Variants in RNF220 observed in about 807,000 individuals in gnomAD.
RNF220 encodes E3 ubiquitin-protein ligase RNF220.
RNF220 carries 7 observed loss-of-function variants against 67.1 expected under a neutral mutation model. That is an observed-to-expected ratio of 0.10 (90% CI 0.06 to 0.20). RNF220 has a LOEUF of 0.20. Ranked by LOEUF, RNF220 falls within the 10% of genes least tolerant of loss-of-function variation. The pLI is 1.00. For missense variants in RNF220, 565 were observed against 740.3 expected (o/e 0.76, Z 2.75); for synonymous variants, 270 against 283.2 (o/e 0.95, Z 0.47).
In RNF220 at chr1:44,600,954, A is replaced by C. The variant is rs1294157538; in HGVS notation, c.626-13211A>C. 2.0e-5 allele frequency among the ~76,000 whole-genome samples: 3 copies of C among 152,202 alleles called. No homozygotes were observed. Among genetic ancestry groups the C allele is most frequent in the Non-Finnish European group, 4.4e-5 (3 of 68,036 alleles). The stretch of plus-strand genomic sequence containing the variant: ...TTGTGTCTCTAGGTTTCTCTGAACA[A>C]GGCAAATATCTATATTACAGGCTCC... On this transcript the variant is annotated intron_variant, in intron 2 of 14. Coordinates refer to ENST00000361799, the MANE Select transcript of RNF220 (RefSeq NM_018150.4). The surrounding 1 kb of genome is among the most constrained non-coding windows in gnomAD (Gnocchi z 4.0).
At chr1:44,522,534 G>A (rs1660021013) in intron 2 of RNF220, among the ~76,000 whole-genome samples, 1 of 152,184 alleles carries the variant, frequency 6.6e-6, no homozygotes, top group African/African-American at 2.4e-5. Context: ...TTGAAGAAAA[G>A]AGAGACCTTA....
At chr1:44,527,552 G>C (rs1660472336) in intron 2 of RNF220, among the ~76,000 whole-genome samples, 1 of 152,036 alleles carries the variant, frequency 6.6e-6, no homozygotes, top group Admixed American at 6.6e-5. Flanking sequence ...AAGTCCAGGA[G>C]TTCAAGACCA....
chr1:44,604,497 G>T (rs1399964908), intron 2 of RNF220, among the ~76,000 whole-genome samples: 1 of 152,244 alleles, frequency 6.6e-6, no homozygotes. Context: ...GGCCCCTGAA[G>T]CCCCGCCAGT....
chr1:44,510,473 G>C (rs1658895377), intron 2 of RNF220, among the ~76,000 whole-genome samples: 1 of 152,096 alleles, frequency 6.6e-6, no homozygotes, highest in South Asian at 2.1e-4. Context: ...CTCTTCCTGG[G>C]CTAAGTTCAG....
chr1:44,608,008 C>T (rs913049914), intron 2 of RNF220, among the ~76,000 whole-genome samples: 12 of 151,360 alleles, frequency 7.9e-5, no homozygotes, highest in African/African-American at 1.7e-4. Context: ...ACTGCAGCCT[C>T]AAACTCCTGG....
intron 2 of RNF220, among the ~76,000 whole-genome samples, chr1:44,503,505 A>G (rs1346778403): frequency 1.3e-5 from 2 of 152,162 alleles, no homozygotes; most frequent in African/African-American, 4.8e-5. Context: ...CCATGCCCAC[A>G]CTGCCCTCAT....
intron 2 of RNF220, among the ~76,000 whole-genome samples, chr1:44,474,972 G>A (rs1655164143): frequency 6.6e-6 from 1 of 151,950 alleles, no homozygotes. Context: ...TGTAAACGCA[G>A]TGATATACAA....
intron 2 of RNF220, among the ~76,000 whole-genome samples, chr1:44,418,382 A>T (rs892986572): frequency 2.0e-5 from 3 of 152,168 alleles, no homozygotes; most frequent in Non-Finnish European, 4.4e-5. Context: ...TTCGGCTTGA[A>T]ATGTTTTTCC....
intron 2 of RNF220, among the ~76,000 whole-genome samples, chr1:44,473,878 C>G (rs1367249145): frequency 6.6e-6 from 1 of 152,066 alleles, no homozygotes; most frequent in Non-Finnish European, 1.5e-5. Flanking sequence ...ACAGTATGGC[C>G]ACTTACTGCC....
intron 2 of RNF220, among the ~76,000 whole-genome samples, chr1:44,474,847 G>T (rs72895513): frequency 0.029 from 4,401 of 152,238 alleles, 248 homozygotes; most frequent in African/African-American, 0.1. Context: ...ATATGTGAAG[G>T]TCATATGAAA....
intron 3 of RNF220, 135 bp downstream of exon 3, chr1:44,614,432 ACT>A: frequency 3.2e-6 from 3 of 947,076 alleles, no homozygotes; most frequent in East Asian, 2.6e-5. Context: ...CTTCTCCACA[ACT>A]CTGTTTCAAT....
intron 2 of RNF220, among the ~76,000 whole-genome samples, chr1:44,613,084 C>T (rs1643384997): frequency 6.7e-6 from 1 of 150,164 alleles, no homozygotes; most frequent in Non-Finnish European, 1.5e-5. Context: ...TAATAGGGCT[C>T]CTCAACCCCA....
intron 2 of RNF220, among the ~76,000 whole-genome samples, chr1:44,598,181 G>C: frequency 1.2e-5 from 1 of 82,314 alleles, no homozygotes; most frequent in Middle Eastern, 8.9e-3. Context: ...GGGGAAACAG[G>C]GAGGGGGCTA....
chr1:44,493,938 A>C (rs1255597069), intron 2 of RNF220, among the ~76,000 whole-genome samples: 1 of 152,126 alleles, frequency 6.6e-6, no homozygotes, highest in African/African-American at 2.4e-5. Flanking sequence ...CAGGCACGGT[A>C]GTTCATGCCT....
At chr1:44,510,129 C>T (rs1478008119) in intron 2 of RNF220, among the ~76,000 whole-genome samples, 1 of 150,962 alleles carries the variant, frequency 6.6e-6, no homozygotes, top group Non-Finnish European at 1.5e-5. Context: ...GTCCCAGCTA[C>T]TCAGGAGGCT....
At chr1:44,435,928 A>G (rs1399138792) in intron 2 of RNF220, among the ~76,000 whole-genome samples, 2 of 152,138 alleles carry the variant, frequency 1.3e-5, no homozygotes, top group African/African-American at 2.4e-5. Context: ...TATCAAAAAA[A>G]AGAAAAAAGA....
intron 3 of RNF220, among the ~76,000 whole-genome samples, chr1:44,620,125 C>A (rs1643732637): frequency 6.6e-6 from 1 of 152,196 alleles, no homozygotes; most frequent in African/African-American, 2.4e-5. Flanking sequence ...TATCCTAAGC[C>A]CTGAGTGTCT....
intron 2 of RNF220, among the ~76,000 whole-genome samples, chr1:44,433,833 A>G (rs998389663): frequency 2.0e-5 from 3 of 152,118 alleles, no homozygotes; most frequent in Non-Finnish European, 4.4e-5. Context: ...GCAGTGGTGC[A>G]TGTCTGTAGT....
In RNF220 at chr1:44,627,316, G is replaced by C. The variant is rs1474222465; in HGVS notation, c.906+918G>C. 6.3e-5 allele frequency among the ~76,000 whole-genome samples: 8 copies of C among 125,990 alleles called. No homozygotes were observed. In the Admixed American group the frequency reaches 8.0e-4, roughly 13 times the overall value. The allele number at this position is 125,990 out of a possible 152,430, so 82.7% of individuals were successfully genotyped here. On this transcript the variant is annotated intron_variant, in intron 5 of 14. Transcript: ENST00000361799. ...GCTGAGACCACGCCATTGTACTCCA[G>C]CCTGGGTGACAGAGCAAGACTCCGT... is the stretch of plus-strand genomic sequence containing the variant.
Sources: gnomAD v4.1 joint callset for allele counts (sites outside exome capture counted in the v4.1 genomes callset) on GRCh38, gnomAD v4.1.1 for gene constraint, Gnocchi (gnomAD v3.1) non-coding constraint, MANE v1.5 for transcripts, NCBI Gene and HGNC (gene_info 2026-07-23, HGNC 2026-07-21) for gene names.